EMILIN2: variants seen among roughly 807,000 people sequenced by gnomAD.
EMILIN2 encodes elastin microfibril interfacer 2, also known as EMILIN-2.
EMILIN2 carries 71 observed loss-of-function variants against 87.1 expected under a neutral mutation model. That is an observed-to-expected ratio of 0.82 (90% CI 0.67 to 0.99). The LOEUF is 0.99. Among genes scored for constraint, EMILIN2 ranks in the 50% least tolerant of loss-of-function variants. The pLI is 0.00. For synonymous variants in EMILIN2, 581 were observed against 563.4 expected (o/e 1.03, Z -0.44); for missense variants, 1,407 against 1,371.8 (o/e 1.03, Z -0.40).
In EMILIN2 at chr18:2,847,473, C is replaced by T. The variant is rs2076581012; in HGVS notation, c.134+151C>T. The T allele has an allele frequency of 3.0e-6, 3 of 987,776 alleles. No homozygotes were observed. Among genetic ancestry groups the T allele is most frequent in the Non-Finnish European group, 2.7e-6 (2 of 754,000 alleles). 61.2% of individuals were successfully genotyped at this position (987,776 alleles called of 1,614,324 possible). On this transcript the variant is annotated intron_variant, in intron 1 of 7. Coordinates refer to ENST00000254528, the MANE Select transcript of EMILIN2 (RefSeq NM_032048.3). The surrounding 1 kb of genome is among the most constrained non-coding windows in gnomAD (Gnocchi z 4.5). ...GGCTCCCTCTGCGGGGGACCGCGCG[C>T]TCCGCAGCCGGCGCCTCAGGCAGAG...
chr18:2,900,890 G>C (rs1024374411), intron 4 of EMILIN2, among the ~76,000 whole-genome samples: 2 of 152,182 alleles, frequency 1.3e-5, no homozygotes, highest in Non-Finnish European at 2.9e-5. Flanking sequence ...CTGAAGTCTT[G>C]ATCAGCATCT....
intron 2 of EMILIN2, among the ~76,000 whole-genome samples, chr18:2,853,872 C>G (rs8097360): frequency 0.039 from 5,879 of 152,286 alleles, 373 homozygotes; most frequent in African/African-American, 0.13. Context: ...CCTCCAATAC[C>G]CATTGGTAGT....
chr18:2,900,198 T>C (rs1326316914), intron 4 of EMILIN2, among the ~76,000 whole-genome samples: 1 of 152,006 alleles, frequency 6.6e-6, no homozygotes, highest in Non-Finnish European at 1.5e-5. Flanking sequence ...ATTTACTCAT[T>C]TATTTTTGAG....
chr18:2,868,913 G>T (rs2143988537), intron 2 of EMILIN2, among the ~76,000 whole-genome samples: 1 of 150,586 alleles, frequency 6.6e-6, no homozygotes, highest in South Asian at 2.1e-4. Context: ...ATACATCTGT[G>T]ATGTTTTGTG....
chr18:2,906,705 A>C (rs887417549), intron 4 of EMILIN2, 78 bp from the exon 5 acceptor site: 4 of 1,131,028 alleles, frequency 3.5e-6, no homozygotes, highest in Non-Finnish European at 4.4e-6. Flanking sequence ...GCCGGGACTC[A>C]TGGAGGGGAC....
intron 4 of EMILIN2, among the ~76,000 whole-genome samples, chr18:2,893,162 C>T (rs2076847551): frequency 6.6e-6 from 1 of 152,186 alleles, no homozygotes; most frequent in Non-Finnish European, 1.5e-5. Context: ...GTTCTTCCCA[C>T]AGATGGATAG....
intron 2 of EMILIN2, among the ~76,000 whole-genome samples, chr18:2,858,569 ATGTGTGTGTGTG>A (rs1178571289): frequency 1.8e-5 from 1 of 55,426 alleles, no homozygotes; most frequent in Non-Finnish European, 3.0e-5. Context: ...ATATATATAT[ATGTGTGTGTGTG>A]TGTATATATA....
At chr18:2,856,538 A>C (rs506739) in intron 2 of EMILIN2, among the ~76,000 whole-genome samples, 85,200 of 152,072 alleles carry the variant, frequency 0.56, 24,308 homozygotes, top group Non-Finnish European at 0.6. Flanking sequence ...CGTGTGCCTA[A>C]TATTGTTGTT....
At chr18:2,846,374 T>C (rs1436649434), upstream of EMILIN2, among the ~76,000 whole-genome samples, 1 of 152,140 alleles carries the variant, frequency 6.6e-6, no homozygotes, top group Non-Finnish European at 1.5e-5. The surrounding 1 kb of genome is among the most constrained non-coding windows in gnomAD (Gnocchi z 5.3). Flanking sequence ...GGAGGAGAAT[T>C]GCAGTAAGTG....
Position 2,890,978 on chromosome 18 carries a change from A to G in EMILIN2, c.851A>G (p.Asp284Gly). 6.2e-7 allele frequency: 1 copy of G among 1,614,196 alleles called. No homozygotes were observed. The highest frequency in any genetic ancestry group is 2.2e-5 in the East Asian group (1 of 44,886). Reference sequence around the variant, plus strand: ...AAAAGTGACAAGCTGGAAGAGCTGGATGGAAAAGTGAAGGGCTACGAAGGG... The same window carrying G: ...AAAAGTGACAAGCTGGAAGAGCTGGGTGGAAAAGTGAAGGGCTACGAAGGG... ...KNKSDKLEELDGKVKGYEGQL... is the reference protein window; with the variant it reads ...KNKSDKLEELGGKVKGYEGQL... The change falls in exon 4 of 8, where the codon GAT (aspartate) becomes GGT (glycine). Residue 284 changes from aspartate to glycine, a missense_variant. Physicochemically the swap from Asp to Gly is moderately conservative, Grantham distance 94 (BLOSUM62 -1). Transcript: ENST00000254528. This position sits in a 1 kb window ranked among gnomAD's most constrained non-coding sequence, Gnocchi z 4.7.
At chr18:2,900,684 G>GC (rs2076884694) in intron 4 of EMILIN2, among the ~76,000 whole-genome samples, 2 of 148,374 alleles carry the variant, frequency 1.3e-5, no homozygotes, top group Admixed American at 1.4e-4. Context: ...GGCCCATTTA[G>GC]CACCACAAGC....
chr18:2,908,997 G>A (rs771539741), intron 6 of EMILIN2, 22 bp downstream of exon 6: 1 of 1,612,932 alleles, frequency 6.2e-7, no homozygotes, highest in East Asian at 2.2e-5. Flanking sequence ...GAGAGACCAG[G>A]AGCAGGAGGA....
chr18:2,882,583 A>C (rs58089603), intron 2 of EMILIN2, among the ~76,000 whole-genome samples: 4,031 of 152,142 alleles, frequency 0.026, 174 homozygotes, highest in African/African-American at 0.093. Context: ...TATCTCTTAA[A>C]AAAATTTTTT....
At chr18:2,857,762 C>G (rs1484530549) in intron 2 of EMILIN2, among the ~76,000 whole-genome samples, 1 of 152,196 alleles carries the variant, frequency 6.6e-6, no homozygotes, top group Non-Finnish European at 1.5e-5. Flanking sequence ...GTCTGTTGTG[C>G]TGACGATGCT....
chr18:2,879,000 A>G (rs1312526160), intron 2 of EMILIN2, among the ~76,000 whole-genome samples: 1 of 152,194 alleles, frequency 6.6e-6, no homozygotes, highest in Non-Finnish European at 1.5e-5. Flanking sequence ...TGCTGTAAAC[A>G]CAAGGCAAGG....
chr18:2,904,491 T>A (rs150634299), intron 4 of EMILIN2, among the ~76,000 whole-genome samples: 1 of 152,246 alleles, frequency 6.6e-6, no homozygotes, highest in African/African-American at 2.4e-5. Context: ...TTCGTCATCA[T>A]GTTCTACCTT....
At chr18:2,852,834 T>A (rs950737478) in intron 2 of EMILIN2, among the ~76,000 whole-genome samples, 1 of 152,204 alleles carries the variant, frequency 6.6e-6, no homozygotes, top group African/African-American at 2.4e-5. Flanking sequence ...TAATAATTCT[T>A]AACACCTATA....
At chr18:2,855,062 T>C (rs897634161) in intron 2 of EMILIN2, among the ~76,000 whole-genome samples, 2 of 152,230 alleles carry the variant, frequency 1.3e-5, no homozygotes, top group African/African-American at 4.8e-5. Context: ...ACTGAGCTCG[T>C]GTCAGAGACT....
At chr18:2,912,988 T>C (rs2076948373) in intron 7 of EMILIN2, 79 bp from the exon 8 acceptor site, 1 of 1,468,382 alleles carries the variant, frequency 6.8e-7, no homozygotes, top group Admixed American at 1.8e-5. Context: ...CCCAGGTTAA[T>C]CACTGGGGGG....
Sources: allele counts gnomAD v4.1 joint callset (sites outside exome capture counted in the v4.1 genomes callset), GRCh38; gene constraint gnomAD v4.1.1; non-coding constraint Gnocchi (gnomAD v3.1); transcripts MANE v1.5; gene names NCBI Gene and HGNC (gene_info 2026-07-23, HGNC 2026-07-21).